CALN1: variants seen among roughly 807,000 people sequenced by gnomAD.
CALN1 encodes calcium-binding protein 8.
In CALN1, 17 loss-of-function variants were observed where a neutral mutation model predicts 30.6. That is an observed-to-expected ratio of 0.56 (90% CI 0.38 to 0.83). The LOEUF (loss-of-function observed/expected upper bound fraction) is 0.83. Among genes scored for constraint, CALN1 ranks in the 40% least tolerant of loss-of-function variants. The pLI is 0.00. For missense variants in CALN1, 291 were observed against 354.9 expected (o/e 0.82, Z 1.45); for synonymous variants, 156 against 131.4 (o/e 1.19, Z -1.28).
chr7:72,102,636 G>T (rs1467058128), intron 4 of CALN1, among the ~76,000 whole-genome samples: 1 of 152,158 alleles, frequency 6.6e-6, no homozygotes, highest in Non-Finnish European at 1.5e-5. Context: ...TATAGTAAGT[G>T]CAAGAAGCTA....
At chr7:72,253,567 T>G (rs1795709003) in intron 3 of CALN1, among the ~76,000 whole-genome samples, 1 of 152,256 alleles carries the variant, frequency 6.6e-6, no homozygotes, top group East Asian at 1.9e-4. Flanking sequence ...ACAGAGAACG[T>G]GCAGGAGAAA....
chr7:72,340,647 G>A (rs1802335298), intron 2 of CALN1, among the ~76,000 whole-genome samples: 2 of 152,146 alleles, frequency 1.3e-5, no homozygotes, highest in Non-Finnish European at 1.5e-5. Context: ...TTGAGCCACT[G>A]GTTGAGTTTT....
At chr7:71,866,306 C>T (rs1434347763) in intron 5 of CALN1, among the ~76,000 whole-genome samples, 1 of 152,036 alleles carries the variant, frequency 6.6e-6, no homozygotes, top group African/African-American at 2.4e-5. Flanking sequence ...CGCGCCCAGC[C>T]AATACCAGGC....
the CALN1 span, among the ~76,000 whole-genome samples, chr7:72,473,622 A>T: frequency 6.6e-6 from 1 of 152,216 alleles, no homozygotes; most frequent in Non-Finnish European, 1.5e-5. Flanking sequence ...AAAAGTGAAT[A>T]AGTAAAGCTG....
chr7:72,491,451 C>G, the CALN1 span, among the ~76,000 whole-genome samples: 5 of 151,988 alleles, frequency 3.3e-5, no homozygotes, highest in Non-Finnish European at 5.9e-5. Flanking sequence ...CACCTGTAGT[C>G]CTAGCTACTC....
chr7:72,317,553 G>A (rs1298716705), intron 2 of CALN1, among the ~76,000 whole-genome samples: 1 of 152,212 alleles, frequency 6.6e-6, no homozygotes, highest in Admixed American at 6.5e-5. Flanking sequence ...GGTAGGATGG[G>A]ACAGCTGGGC....
chr7:72,084,382 TA>T (rs200873367), intron 4 of CALN1, among the ~76,000 whole-genome samples: 2,428 of 127,468 alleles, frequency 0.019, 32 homozygotes, highest in South Asian at 0.044. Context: ...GAAAATGTAG[TA>T]AAATTTTTTT....
At chr7:72,295,302 A>G (rs114454003) in intron 2 of CALN1, among the ~76,000 whole-genome samples, 1,697 of 152,290 alleles carry the variant, frequency 0.011, 43 homozygotes, top group African/African-American at 0.038. Flanking sequence ...ACTTATTTTT[A>G]AAAATAACAA....
At chr7:72,338,854 T>C (rs75829232) in intron 2 of CALN1, among the ~76,000 whole-genome samples, 152 of 152,116 alleles carry the variant, frequency 1.0e-3, no homozygotes, top group Non-Finnish European at 1.8e-3. Context: ...TTATTGACTA[T>C]AGTCACTGTG....
intron 2 of CALN1, among the ~76,000 whole-genome samples, chr7:72,359,999 T>C (rs956502604): frequency 1.1e-5 from 1 of 87,110 alleles, no homozygotes; most frequent in African/African-American, 5.1e-5. Flanking sequence ...AAACCAAAGT[T>C]GACCTGGATT....
chr7:71,994,511 C>CAAAAAAAAA (rs367725464), intron 5 of CALN1, among the ~76,000 whole-genome samples: 575 of 44,002 alleles, frequency 0.013, 51 homozygotes, highest in African/African-American at 0.046. Context: ...GACTTCATCT[C>CAAAAAAAAA]AAAAAAAAAA....
At chr7:72,107,228 G>C (rs1255153363) in intron 3 of CALN1, among the ~76,000 whole-genome samples, 2 of 152,126 alleles carry the variant, frequency 1.3e-5, no homozygotes, top group African/African-American at 4.8e-5. Flanking sequence ...AGGAGGAAAG[G>C]AGAATGCAGC....
At chr7:72,319,844 C>T (rs1204227206) in intron 2 of CALN1, among the ~76,000 whole-genome samples, 12 of 151,808 alleles carry the variant, frequency 7.9e-5, no homozygotes, top group Non-Finnish European at 2.9e-5. Context: ...ACAATGGAGA[C>T]TCAGAAAGGT....
At position 71,791,404 on chromosome 7, in the gene CALN1, C is replaced by T. The variant is rs766479364; in HGVS notation, c.659-3502G>A. Among the ~76,000 whole-genome samples, 28 of 152,264 alleles carry T rather than the reference C, an allele frequency of 1.8e-4. 1 individual carries two copies. Among genetic ancestry groups the T allele is most frequent in the South Asian group, 6.2e-4 (3 of 4,822 alleles). ...CTGCTTTCTACATCCTTTACAGGAACATTAATGGTGCTGGAGGCCATGATC... is the reference window on the plus strand; with the variant it reads ...CTGCTTTCTACATCCTTTACAGGAATATTAATGGTGCTGGAGGCCATGATC... On this transcript the variant is annotated intron_variant, in intron 6 of 6. Coordinates refer to ENST00000395275, the MANE Select transcript of CALN1 (RefSeq NM_031468.4).
intron 2 of CALN1, among the ~76,000 whole-genome samples, chr7:72,306,454 A>T (rs749984989): frequency 2.0e-5 from 3 of 152,096 alleles, no homozygotes; most frequent in Non-Finnish European, 2.9e-5. Context: ...TTTCCTTTCT[A>T]TGGAACCCAG....
intron 3 of CALN1, among the ~76,000 whole-genome samples, chr7:72,258,037 G>A (rs562311424): frequency 6.6e-6 from 1 of 152,022 alleles, no homozygotes; most frequent in Non-Finnish European, 1.5e-5. Flanking sequence ...GGTGATGGGT[G>A]CAACAAAATC....
At chr7:72,178,072 G>T (rs1181941253) in intron 3 of CALN1, among the ~76,000 whole-genome samples, 1 of 152,134 alleles carries the variant, frequency 6.6e-6, no homozygotes, top group Admixed American at 6.5e-5. Flanking sequence ...GGATGAGGAA[G>T]GTGTGTTTGC....
intron 2 of CALN1, among the ~76,000 whole-genome samples, chr7:72,336,195 C>T (rs1367291964): frequency 6.6e-6 from 1 of 152,072 alleles, no homozygotes; most frequent in African/African-American, 2.4e-5. Flanking sequence ...GTGGAGAGAA[C>T]CCTGCCTCCC....
chr7:71,891,123 A>G (rs1793216375), intron 5 of CALN1, among the ~76,000 whole-genome samples: 1 of 152,074 alleles, frequency 6.6e-6, no homozygotes, highest in South Asian at 2.1e-4. Context: ...TGTAAACACA[A>G]TTTTCATGGC....
Sources: allele counts gnomAD v4.1 joint callset (sites outside exome capture counted in the v4.1 genomes callset), GRCh38; gene constraint gnomAD v4.1.1; transcripts MANE v1.5; gene names NCBI Gene and HGNC (gene_info 2026-07-23, HGNC 2026-07-21).